Variants in DIP2B observed in about 807,000 individuals in gnomAD.
DIP2B encodes the protein disco-interacting protein 2 homolog B.
DIP2B carries 76 observed loss-of-function variants against 198.0 expected under a neutral mutation model. That is an observed-to-expected ratio of 0.38 (90% CI 0.32 to 0.46). The LOEUF is 0.46. DIP2B is among the 20% of genes least tolerant of loss of function. The pLI, the probability that DIP2B is intolerant of heterozygous loss-of-function variation, is 0.99. For synonymous variants in DIP2B, 701 were observed against 739.1 expected, an observed-to-expected ratio of 0.95 and a Z score of 0.84; for missense variants, 1,559 against 1,978.4, an observed-to-expected ratio of 0.79 and a Z score of 4.02.
At chr12:50,537,462 C>T (rs2139370650) in intron 1 of DIP2B, among the ~76,000 whole-genome samples, 1 of 152,170 alleles carries the variant, frequency 6.6e-6, no homozygotes, top group Admixed American at 6.5e-5. Flanking sequence ...GTTATATATA[C>T]AAACATCTGA....
In DIP2B at chr12:50,697,183, T is replaced by C. The variant is rs1389071342; in HGVS notation, c.2048+8T>C. ...GACTGTAGCAATCCGCAGGTACTGTTCAGGATGTCAGATGCTCTTGATGTA... is the reference window on the plus strand; with the variant it reads ...GACTGTAGCAATCCGCAGGTACTGTCCAGGATGTCAGATGCTCTTGATGTA... On this transcript the variant is annotated splice_region_variant and intron_variant, in intron 17 of 37. Coordinates refer to ENST00000301180, the MANE Select transcript of DIP2B (RefSeq NM_173602.3). The C allele has an allele frequency of 1.9e-6, 3 of 1,612,150 alleles. No homozygotes were observed. Among genetic ancestry groups the C allele is most frequent in the Non-Finnish European group, 2.5e-6 (3 of 1,178,550 alleles).
intron 1 of DIP2B, among the ~76,000 whole-genome samples, chr12:50,516,847 T>C (rs985144441): frequency 6.7e-6 from 1 of 149,328 alleles, no homozygotes; most frequent in Non-Finnish European, 1.5e-5. Context: ...TGGTGGCGGG[T>C]GCCTGTAATC....
chr12:50,522,023 T>G (rs535933114), intron 1 of DIP2B, among the ~76,000 whole-genome samples: 1 of 151,940 alleles, frequency 6.6e-6, no homozygotes. Context: ...TTTTTTAAGA[T>G]AGAGTCTTGC....
intron 1 of DIP2B, among the ~76,000 whole-genome samples, chr12:50,535,804 C>T (rs983378397): frequency 5.3e-5 from 8 of 151,188 alleles, no homozygotes; most frequent in African/African-American, 1.2e-4. Context: ...CCCATTAACT[C>T]GTCACTTAGC....
chr12:50,708,411 G>A (rs372170045), intron 21 of DIP2B, 37 bp from the exon 22 acceptor site: 28 of 1,536,492 alleles, frequency 1.8e-5, no homozygotes, highest in Non-Finnish European at 2.3e-5. Context: ...GACTGGTTGT[G>A]AAGGGAGTCC....
At chr12:50,557,099 C>A (rs1404603530) in intron 1 of DIP2B, among the ~76,000 whole-genome samples, 1 of 152,032 alleles carries the variant, frequency 6.6e-6, no homozygotes, top group Non-Finnish European at 1.5e-5. Flanking sequence ...TGCCTGCCTC[C>A]GCTTCCCAAA....
intron 3 of DIP2B, among the ~76,000 whole-genome samples, chr12:50,652,749 A>G (rs1938479571): frequency 6.6e-6 from 1 of 152,194 alleles, no homozygotes; most frequent in Non-Finnish European, 1.5e-5. Context: ...CTTCCAGTCC[A>G]TGAACACAGG....
chr12:50,575,669 T>C (rs1958653409), intron 1 of DIP2B, among the ~76,000 whole-genome samples: 1 of 151,802 alleles, frequency 6.6e-6, no homozygotes, highest in South Asian at 2.1e-4. Flanking sequence ...CAGGTGCCTG[T>C]GCCCAACCAG....
intron 1 of DIP2B, among the ~76,000 whole-genome samples, chr12:50,541,245 C>T (rs902802792): frequency 6.6e-6 from 1 of 152,030 alleles, no homozygotes; most frequent in Non-Finnish European, 1.5e-5. Context: ...TTCTTCCAGT[C>T]TTGAATTGTA....
chr12:50,613,968 A>G, intron 1 of DIP2B, among the ~76,000 whole-genome samples: 1 of 152,198 alleles, frequency 6.6e-6, no homozygotes, highest in Non-Finnish European at 1.5e-5. Context: ...TGTCTTTGTA[A>G]CTTACATATT....
chr12:50,583,136 G>A (rs1381519329), intron 1 of DIP2B, among the ~76,000 whole-genome samples: 1 of 152,180 alleles, frequency 6.6e-6, no homozygotes, highest in Non-Finnish European at 1.5e-5. Context: ...AGCCCTACTG[G>A]TAAATTTGTT....
intron 1 of DIP2B, among the ~76,000 whole-genome samples, chr12:50,553,467 CAA>C (rs898071583): frequency 2.1e-4 from 32 of 152,302 alleles, no homozygotes; most frequent in Admixed American, 2.0e-3. Context: ...CTGAATGTAA[CAA>C]GAGACAGCCT....
intron 2 of DIP2B, among the ~76,000 whole-genome samples, chr12:50,634,310 G>A (rs547424795): frequency 1.3e-5 from 2 of 152,312 alleles, no homozygotes; most frequent in South Asian, 2.1e-4. Flanking sequence ...GTAGTTGCAG[G>A]AAAATGGAAG....
intron 25 of DIP2B, among the ~76,000 whole-genome samples, chr12:50,719,930 T>A (rs1034348251): frequency 1.2e-4 from 18 of 146,884 alleles, no homozygotes; most frequent in South Asian, 4.2e-4. Context: ...AAGAAAAAAA[T>A]ATATATATGT....
chr12:50,577,549 A>T (rs181160442), intron 1 of DIP2B, among the ~76,000 whole-genome samples: 295 of 148,164 alleles, frequency 2.0e-3, no homozygotes, highest in African/African-American at 7.4e-3. Context: ...TAAAAAAAAT[A>T]AAAAAAAGTA....
intron 1 of DIP2B, among the ~76,000 whole-genome samples, chr12:50,542,044 G>A (rs1398314073): frequency 6.7e-6 from 1 of 150,104 alleles, no homozygotes; most frequent in South Asian, 2.1e-4. Flanking sequence ...TGTAATCCCA[G>A]CACTTTGGGA....
chr12:50,645,758 C>G (rs780794114), intron 3 of DIP2B, among the ~76,000 whole-genome samples: 2 of 151,896 alleles, frequency 1.3e-5, no homozygotes, highest in Non-Finnish European at 2.9e-5. Flanking sequence ...TTGTGTCCAG[C>G]CCAAAATATA....
intron 1 of DIP2B, among the ~76,000 whole-genome samples, chr12:50,571,536 T>G (rs1236039963): frequency 6.9e-6 from 1 of 145,862 alleles, no homozygotes; most frequent in African/African-American, 2.5e-5. Flanking sequence ...CTGTGACCTT[T>G]GAAACCTAGG....
At chr12:50,691,361 T>C (rs1010387094) in intron 13 of DIP2B, among the ~76,000 whole-genome samples, 3 of 152,168 alleles carry the variant, frequency 2.0e-5, no homozygotes, top group Non-Finnish European at 2.9e-5. Context: ...ATGTAAAGCA[T>C]AATTTCTAGA....
Sources: allele counts gnomAD v4.1 joint callset (sites outside exome capture counted in the v4.1 genomes callset), GRCh38; gene constraint gnomAD v4.1.1; transcripts MANE v1.5; gene names NCBI Gene and HGNC (gene_info 2026-07-23, HGNC 2026-07-21).